The following PRCD variants were observed in gnomAD, a reference collection of about 807,000 sequenced individuals.
PRCD encodes photoreceptor disk component PRCD.
A neutral mutation model predicts 10.1 loss-of-function variants in PRCD; 12 were observed. The ratio of observed to expected loss-of-function variants is 1.18; its 90% CI spans 0.76 to 1.92. PRCD has a LOEUF of 1.92. Among genes scored for constraint, PRCD ranks in the 40% most tolerant of loss-of-function variants. The pLI is 0.00. For synonymous variants in PRCD, 31 were observed against 26.2 expected (o/e 1.18, Z -0.56); for missense variants, 61 against 72.2 (o/e 0.84, Z 0.56).
chr17:76,537,745 G>C (rs1470350609), upstream of PRCD: 6 of 225,012 alleles, frequency 2.7e-5, no homozygotes, highest in Non-Finnish European at 4.4e-5. Flanking sequence ...ATATGTGCGG[G>C]GGGCGGGGGA....
At chr17:76,535,405 A>G (rs1317406063), upstream of PRCD, among the ~76,000 whole-genome samples, 1 of 152,144 alleles carries the variant, frequency 6.6e-6, no homozygotes, top group African/African-American at 2.4e-5. Flanking sequence ...GACCTTCAGG[A>G]GCCCTTATCC....
At chr17:76,534,123 T>TC in intron 1 of PRCD, among the ~76,000 whole-genome samples, 1 of 148,872 alleles carries the variant, frequency 6.7e-6, no homozygotes, top group South Asian at 2.1e-4. Context: ...TCTTTCTTTC[T>TC]TTCTTTCTCT....
intron 1 of PRCD, chr17:76,529,773 G>A: frequency 1.0e-6 from 1 of 985,298 alleles, no homozygotes; most frequent in Admixed American, 6.1e-5. Context: ...CCCTCCTCTG[G>A]TGGGCCAACA....
chr17:76,537,573 CG>C (rs1447176860), upstream of PRCD: 1 of 1,280,632 alleles, frequency 7.8e-7, no homozygotes, highest in Non-Finnish European at 1.0e-6. Context: ...CGGCTTTGCT[CG>C]GCGGCGGCGG....
downstream of PRCD, chr17:76,550,217 A>G (rs1332514190): frequency 6.6e-6 from 1 of 150,610 alleles, no homozygotes; most frequent in Non-Finnish European, 1.5e-5. Flanking sequence ...CGGCCTCCCA[A>G]AGTGGTGGGA....
chr17:76,542,882 G>A (rs766056137), intron 3 of PRCD, 147 bp from the exon 4 acceptor site: 195 of 603,346 alleles, frequency 3.2e-4, no homozygotes, highest in Non-Finnish European at 5.2e-4. Context: ...CTAGGCTTGG[G>A]GATGGCGAGG....
Position 76,531,796 on chromosome 17 carries a change from C to T in PRCD, n.45+3963C>T. Reference sequence around the variant, plus strand: ...TGAAGAAGTGGACCGCAGTGCTCCCCACCCCCGCACCGTCACTGTTTTCAC... The same window carrying T: ...TGAAGAAGTGGACCGCAGTGCTCCCTACCCCCGCACCGTCACTGTTTTCAC... On this transcript the variant is annotated intron_variant and non_coding_transcript_variant, in intron 1 of 4. Coordinates refer to the PRCD transcript ENST00000397633. The surrounding 1 kb of genome is among the most constrained non-coding windows in gnomAD (Gnocchi z 7.4). 2 of 875,204 alleles carry T rather than the reference C, an allele frequency of 2.3e-6. No individual in the cohort carries two copies. Among genetic ancestry groups the T allele is most frequent in the Middle Eastern group, 2.4e-4 (1 of 4,206 alleles). 54.2% of individuals were successfully genotyped at this position (875,204 alleles called of 1,614,324 possible). A position where few individuals can be genotyped will look rare whatever the true frequency, so the allele number is the denominator to read the frequency against.
Position 76,528,517 on chromosome 17 carries a change from G to C in PRCD, n.45+684G>C. On this transcript the variant is annotated intron_variant and non_coding_transcript_variant, in intron 1 of 4. Transcript: ENST00000397633. The surrounding 1 kb of genome is among the most constrained non-coding windows in gnomAD (Gnocchi z 5.8). Reference sequence around the variant, plus strand: ...ACCCAGAAATGGAGCGTCAAGGAGGGTCTTCAGAACTCGGCCTTCTGCTCG... The same window carrying C: ...ACCCAGAAATGGAGCGTCAAGGAGGCTCTTCAGAACTCGGCCTTCTGCTCG... 1 of 1,243,830 alleles carries C rather than the reference G, an allele frequency of 8.0e-7. No individual in the cohort carries two copies. The highest frequency in any genetic ancestry group is 1.0e-6 in the Non-Finnish European group (1 of 968,622). The allele number at this position is 1,243,830 out of a possible 1,614,324, so 77.0% of individuals were successfully genotyped here.
upstream of PRCD, among the ~76,000 whole-genome samples, chr17:76,535,262 C>T (rs1265307869): frequency 3.9e-5 from 6 of 152,246 alleles, no homozygotes; most frequent in South Asian, 4.2e-4. Flanking sequence ...GCTGGCCTGG[C>T]GCAGTGGGGA....
chr17:76,530,935 C>T lies in PRCD; in HGVS notation n.45+3102C>T. The T allele has an allele frequency of 6.6e-7, 1 of 1,525,554 alleles. No homozygotes were observed. Among genetic ancestry groups the T allele is most frequent in the Non-Finnish European group, 8.8e-7 (1 of 1,132,528 alleles). 94.5% of individuals were successfully genotyped at this position (1,525,554 alleles called of 1,614,324 possible). ...GGGAGACCTCGGGGACAGCAGAGGA[C>T]ATGGCGGGGAGGCTGCCCAGCCCAC... is the stretch of plus-strand genomic sequence containing the variant. On this transcript the variant is annotated intron_variant and non_coding_transcript_variant, in intron 1 of 4. Coordinates refer to the PRCD transcript ENST00000397633. This position sits in a 1 kb window ranked among gnomAD's most constrained non-coding sequence, Gnocchi z 6.1.
chr17:76,530,438 G>A lies in PRCD; in HGVS notation n.45+2605G>A, dbSNP rs1420754760. 2.0e-5 allele frequency among the ~76,000 whole-genome samples: 3 copies of A among 150,946 alleles called. No individual in the cohort carries two copies. The highest frequency in any genetic ancestry group is 3.0e-5 in the Non-Finnish European group (2 of 67,084). ...AGTAAACATGCCCCTGCTCGTGTGCGTGTGAGCGACACCCATGTAGCTTCC... is the reference window on the plus strand; with the variant it reads ...AGTAAACATGCCCCTGCTCGTGTGCATGTGAGCGACACCCATGTAGCTTCC... On this transcript the variant is annotated intron_variant and non_coding_transcript_variant, in intron 1 of 4. Coordinates refer to the PRCD transcript ENST00000397633. This position sits in a 1 kb window ranked among gnomAD's most constrained non-coding sequence, Gnocchi z 6.1.
Position 76,531,791 on chromosome 17 carries a change from C to T in PRCD, n.45+3958C>T, listed in dbSNP as rs145399411. ...GGGGCTGAAGAAGTGGACCGCAGTGCTCCCCACCCCCGCACCGTCACTGTT... is the reference window on the plus strand; with the variant it reads ...GGGGCTGAAGAAGTGGACCGCAGTGTTCCCCACCCCCGCACCGTCACTGTT... On this transcript the variant is annotated intron_variant and non_coding_transcript_variant, in intron 1 of 4. Transcript: ENST00000397633. The surrounding 1 kb of genome is among the most constrained non-coding windows in gnomAD (Gnocchi z 7.4). 1.5e-4 allele frequency: 140 copies of T among 931,596 alleles called. No individual in the cohort carries two copies. In the African/African-American group the frequency reaches 2.1e-3, roughly 14 times the overall value. The allele number at this position is 931,596 out of a possible 1,614,324, so 57.7% of individuals were successfully genotyped here. A position where few individuals can be genotyped will look rare whatever the true frequency, so the allele number is the denominator to read the frequency against.
At chr17:76,548,221 AG>A (rs1764754848), downstream of PRCD, among the ~76,000 whole-genome samples, 6 of 152,256 alleles carry the variant, frequency 3.9e-5, no homozygotes, top group Admixed American at 2.0e-4. Context: ...ATACACTTAT[AG>A]ACACACATAG....
exon 2 of PRCD, chr17:76,553,123 C>T (rs1037044792): frequency 6.6e-6 from 1 of 152,056 alleles, no homozygotes; most frequent in African/African-American, 2.4e-5. Context: ...TCAGCTCCTA[C>T]TTAATGGAAG....
upstream of PRCD, chr17:76,538,033 G>A (rs1373299118): frequency 6.6e-6 from 1 of 152,268 alleles, no homozygotes; most frequent in Non-Finnish European, 1.5e-5. Context: ...AGTGCGCTGG[G>A]GCGGGCGCGG....
chr17:76,531,044 G>A lies in PRCD; in HGVS notation n.45+3211G>A. Reference sequence around the variant, plus strand: ...TGTAGGCAGCGGTCACGTGGCTGTAGATGAGGCCACGCAGCTTGGCCCAGG... The same window carrying A: ...TGTAGGCAGCGGTCACGTGGCTGTAAATGAGGCCACGCAGCTTGGCCCAGG... On this transcript the variant is annotated intron_variant and non_coding_transcript_variant, in intron 1 of 4. Coordinates refer to the PRCD transcript ENST00000397633. This position sits in a 1 kb window ranked among gnomAD's most constrained non-coding sequence, Gnocchi z 7.4. The A allele has an allele frequency of 6.2e-7, 1 of 1,613,898 alleles. No individual in the cohort carries two copies. The highest frequency in any genetic ancestry group is 2.2e-5 in the East Asian group (1 of 44,864).
rs2074845720 is a variant in PRCD, at chr17:76,531,654, T to C, written n.45+3821T>C. 1.9e-6 allele frequency: 3 copies of C among 1,605,510 alleles called. No homozygotes were observed. The highest frequency in any genetic ancestry group is 2.6e-6 in the Non-Finnish European group (3 of 1,172,742). On this transcript the variant is annotated intron_variant and non_coding_transcript_variant, in intron 1 of 4. Coordinates refer to the PRCD transcript ENST00000397633. The surrounding 1 kb of genome is among the most constrained non-coding windows in gnomAD (Gnocchi z 7.4). ...GGATCCTCCATGTGCTTGAACTGGC[T>C]GAAGTACTGCTTGGCCGAGGGGAAG...
rs760052677 is a variant in PRCD at position 76,544,427 on chromosome 17, G to T, written c.*777G>T. 5 of 454,836 alleles carry T rather than the reference G, an allele frequency of 1.1e-5. No individual in the cohort carries two copies. Among genetic ancestry groups the T allele is most frequent in the African/African-American group, 8.0e-5 (4 of 50,040 alleles). 28.2% of individuals were successfully genotyped at this position (454,836 alleles called of 1,614,324 possible). Reference sequence around the variant, plus strand: ...TGGGGAGGCGCTCAGGGTGGGGGAGGAGGTGCACCCCGCTGGGGAGGGCCT... The same window carrying T: ...TGGGGAGGCGCTCAGGGTGGGGGAGTAGGTGCACCCCGCTGGGGAGGGCCT... On this transcript the variant is annotated 3_prime_UTR_variant, in exon 5 of 5. Coordinates refer to ENST00000592014, the MANE Select transcript of PRCD (RefSeq NM_001077620.3).
intron 1 of PRCD, chr17:76,532,126 T>C (rs750177838): frequency 1.2e-5 from 2 of 165,158 alleles, no homozygotes; most frequent in Non-Finnish European, 2.7e-5. Flanking sequence ...AAGTCATGCT[T>C]ATGCTCAAAA....
Sources: allele counts gnomAD v4.1 joint callset (sites outside exome capture counted in the v4.1 genomes callset), GRCh38; gene constraint gnomAD v4.1.1; non-coding constraint Gnocchi (gnomAD v3.1); transcripts MANE v1.5; gene names NCBI Gene and HGNC (gene_info 2026-07-23, HGNC 2026-07-21).